The following HAAO variants were observed in gnomAD, a reference collection of about 807,000 sequenced individuals.
The protein encoded by HAAO is 3-hydroxyanthranilate 3,4-dioxygenase.
HAAO carries 49 observed loss-of-function variants against 46.2 expected under a neutral mutation model. The ratio of observed to expected loss-of-function variants is 1.06; its 90% CI spans 0.84 to 1.34. The LOEUF (loss-of-function observed/expected upper bound fraction) is 1.34, where lower values mean the gene tolerates loss of function less well. Among genes scored for constraint, HAAO ranks in the 40% most tolerant of loss-of-function variants. The pLI, the probability that HAAO is intolerant of heterozygous loss-of-function variation, is 0.00. For missense variants in HAAO, 408 were observed against 364.5 expected, an observed-to-expected ratio of 1.12 and a Z score of -0.97; for synonymous variants, 157 against 145.2, an observed-to-expected ratio of 1.08 and a Z score of -0.58.
chr2:42,767,967 C>G (rs1449081930), intron 7 of HAAO, 39 bp from the exon 8 acceptor site: 7 of 1,575,954 alleles, frequency 4.4e-6, no homozygotes, highest in Non-Finnish European at 6.1e-6. Flanking sequence ...GTGCTTCTTG[C>G]CCCACATGGG....
chr2:42,768,010 G>A (rs1670801936), intron 7 of HAAO, 82 bp from the exon 8 acceptor site: 2 of 1,243,060 alleles, frequency 1.6e-6, no homozygotes, highest in Non-Finnish European at 2.3e-6. Flanking sequence ...CAGACACCAG[G>A]CCTGCTTGGA....
intron 4 of HAAO, among the ~76,000 whole-genome samples, chr2:42,772,795 AC>A (rs1671234572): frequency 6.6e-6 from 1 of 152,188 alleles, no homozygotes; most frequent in Admixed American, 6.5e-5. Context: ...GCCTATTATA[AC>A]AAAAGATGTA....
At chr2:42,767,761 G>C in intron 8 of HAAO, 84 bp from the exon 9 acceptor site, 1 of 1,544,670 alleles carries the variant, frequency 6.5e-7, no homozygotes, top group Non-Finnish European at 8.9e-7. Flanking sequence ...TGGGCCCCAA[G>C]GCCCCAAGAG....
At position 42,767,429 on chromosome 2, in the gene HAAO, C is replaced by T; in HGVS notation, c.*8G>A. 3 of 1,607,992 alleles carry T rather than the reference C, an allele frequency of 1.9e-6. No homozygotes were observed. Among genetic ancestry groups the T allele is most frequent in the Non-Finnish European group, 2.6e-6 (3 of 1,176,018 alleles). ...CACCTGTGGCTGCTTCAGGCCATGG[C>T]AAGAGGGTCACCCCAGGGGCTTCTT... is the stretch of plus-strand genomic sequence containing the variant. On this transcript the variant is annotated 3_prime_UTR_variant, in exon 10 of 10. Coordinates refer to ENST00000294973, the MANE Select transcript of HAAO (RefSeq NM_012205.3).
At chr2:42,778,010 A>T (rs2104653097) in intron 4 of HAAO, among the ~76,000 whole-genome samples, 1 of 152,276 alleles carries the variant, frequency 6.6e-6, no homozygotes, top group African/African-American at 2.4e-5. Flanking sequence ...TTGTATGGTA[A>T]ATTTAGTTGT....
intron 2 of HAAO, among the ~76,000 whole-genome samples, chr2:42,785,861 T>A (rs570468697): frequency 2.2e-4 from 34 of 152,060 alleles, no homozygotes; most frequent in African/African-American, 7.7e-4. Context: ...GACCCCCATC[T>A]CTAAAAAACA....
At chr2:42,775,107 C>T (rs1044992170) in intron 4 of HAAO, among the ~76,000 whole-genome samples, 5 of 152,076 alleles carry the variant, frequency 3.3e-5, no homozygotes, top group Admixed American at 1.3e-4. Flanking sequence ...ATTAGCTGGG[C>T]GCAGTGGCGC....
intron 1 of HAAO, among the ~76,000 whole-genome samples, chr2:42,790,139 G>A (rs1455665904): frequency 6.6e-6 from 1 of 152,158 alleles, no homozygotes; most frequent in Non-Finnish European, 1.5e-5. Context: ...CCTGTGGGCT[G>A]CTTTCCAGCC....
chr2:42,779,246 A>T (rs1671811781), intron 4 of HAAO, among the ~76,000 whole-genome samples: 1 of 152,186 alleles, frequency 6.6e-6, no homozygotes, highest in Non-Finnish European at 1.5e-5. Flanking sequence ...CTGACTCCTA[A>T]ATATAGGTTA....
chr2:42,774,048 CCTG>C (rs1233879451), intron 4 of HAAO, among the ~76,000 whole-genome samples: 4 of 152,192 alleles, frequency 2.6e-5, no homozygotes, highest in African/African-American at 9.7e-5. Flanking sequence ...TTTGAGTCAT[CCTG>C]CTTTTGCTTT....
chr2:42,770,046 G>T, intron 6 of HAAO, 97 bp downstream of exon 6: 2 of 1,212,486 alleles, frequency 1.6e-6, no homozygotes, highest in Non-Finnish European at 2.4e-6. Context: ...ACTGGGCAGA[G>T]TATTCAAAAA....
chr2:42,774,765 ATTGT>A (rs778088192), intron 4 of HAAO, among the ~76,000 whole-genome samples: 13 of 149,538 alleles, frequency 8.7e-5, no homozygotes, highest in Non-Finnish European at 1.3e-4. Flanking sequence ...AAGCTGCGCG[ATTGT>A]TTGTTTTGCT....
At chr2:42,778,581 G>T (rs538288136) in intron 4 of HAAO, among the ~76,000 whole-genome samples, 1 of 152,222 alleles carries the variant, frequency 6.6e-6, no homozygotes, top group African/African-American at 2.4e-5. Context: ...GCCTGTCTCG[G>T]CCTCCCAAAG....
At chr2:42,788,144 G>A (rs576354737) in intron 2 of HAAO, among the ~76,000 whole-genome samples, 37 of 152,266 alleles carry the variant, frequency 2.4e-4, no homozygotes, top group Non-Finnish European at 4.7e-4. Context: ...CTTTGCCCCC[G>A]TCTGCGGGGG....
At chr2:42,772,453 C>T (rs1321636612) in intron 4 of HAAO, among the ~76,000 whole-genome samples, 1 of 149,822 alleles carries the variant, frequency 6.7e-6, no homozygotes. Flanking sequence ...TGCACTCCAG[C>T]CTGGGTGACA....
At chr2:42,779,037 C>T (rs1276206248) in intron 4 of HAAO, among the ~76,000 whole-genome samples, 5 of 152,000 alleles carry the variant, frequency 3.3e-5, no homozygotes, top group Admixed American at 6.6e-5. Context: ...CACCTGGACC[C>T]GGGAGGTGGA....
At chr2:42,777,476 T>C (rs1671673006) in intron 4 of HAAO, among the ~76,000 whole-genome samples, 1 of 152,092 alleles carries the variant, frequency 6.6e-6, no homozygotes, top group South Asian at 2.1e-4. Flanking sequence ...AAAAAGGGGC[T>C]CTAATTAACT....
At chr2:42,785,632 T>C (rs1672325957) in intron 2 of HAAO, among the ~76,000 whole-genome samples, 1 of 151,920 alleles carries the variant, frequency 6.6e-6, no homozygotes, top group African/African-American at 2.4e-5. Flanking sequence ...CTTTGGGAGA[T>C]GGGAGGATCA....
chr2:42,782,747 C>T (rs544542196), intron 4 of HAAO: 43 of 297,442 alleles, frequency 1.4e-4, no homozygotes, highest in Middle Eastern at 4.8e-4. Context: ...AAGAATGTAA[C>T]CATTTGTCTC....
Sources: gnomAD v4.1 joint callset for allele counts (sites outside exome capture counted in the v4.1 genomes callset) on GRCh38, gnomAD v4.1.1 for gene constraint, MANE v1.5 for transcripts, NCBI Gene and HGNC (gene_info 2026-07-23, HGNC 2026-07-21) for gene names.